Variants in METTL8 observed in about 807,000 individuals in gnomAD.
METTL8 encodes tRNA N(3)-cytidine methyltransferase METTL8, mitochondrial.
Under a neutral mutation model 48.7 loss-of-function variants are expected in METTL8, and 32 were observed. The ratio of observed to expected loss-of-function variants is 0.66; its 90% CI spans 0.50 to 0.88. METTL8 has a LOEUF of 0.88. Ranked by LOEUF, METTL8 falls within the 40% of genes least tolerant of loss-of-function variation. The pLI, the probability that METTL8 is intolerant of heterozygous loss-of-function variation, is 0.00. For synonymous variants in METTL8, 136 were observed against 157.1 expected (o/e 0.87, Z 1.01); for missense variants, 464 against 474.4 (o/e 0.98, Z 0.20).
At chr2:171,331,913 T>G in intron 5 of METTL8, 46 bp from the exon 6 acceptor site, 1 of 1,407,630 alleles carries the variant, frequency 7.1e-7, no homozygotes, top group Non-Finnish European at 9.8e-7. Context: ...GGAGACAGGG[T>G]CTTGCGCTGT....
At chr2:171,405,213 T>C (rs935226012) in intron 1 of METTL8, among the ~76,000 whole-genome samples, 1 of 152,098 alleles carries the variant, frequency 6.6e-6, no homozygotes, top group Non-Finnish European at 1.5e-5. Context: ...AATGAATTCA[T>C]GTGAGTGGTA....
chr2:171,361,834 T>C (rs1221432456), intron 2 of METTL8, among the ~76,000 whole-genome samples: 1 of 152,132 alleles, frequency 6.6e-6, no homozygotes, highest in African/African-American at 2.4e-5. Context: ...GGGTTTATAT[T>C]CTCCTAGTGC....
intron 4 of METTL8, among the ~76,000 whole-genome samples, chr2:171,338,476 A>G (rs1432597337): frequency 1.3e-5 from 2 of 151,940 alleles, no homozygotes; most frequent in East Asian, 3.9e-4. Flanking sequence ...TGTCTCTACT[A>G]AAAATACAAA....
intron 2 of METTL8, among the ~76,000 whole-genome samples, chr2:171,376,095 G>C (rs1686933407): frequency 6.6e-6 from 1 of 152,106 alleles, no homozygotes. Context: ...ATTTTACTTT[G>C]TAGTTCTTAA....
At chr2:171,324,616 T>A (rs1246565553) in intron 9 of METTL8, among the ~76,000 whole-genome samples, 1 of 152,262 alleles carries the variant, frequency 6.6e-6, no homozygotes, top group African/African-American at 2.4e-5. Context: ...AAACTATTGG[T>A]TGCAGCTTTC....
chr2:171,404,607 C>A (rs1449544488), intron 1 of METTL8, among the ~76,000 whole-genome samples: 1 of 152,038 alleles, frequency 6.6e-6, no homozygotes, highest in Non-Finnish European at 1.5e-5. Flanking sequence ...CTATGGTTGA[C>A]AGTGGGTAAA....
chr2:171,362,162 T>C (rs1685229274), intron 2 of METTL8, among the ~76,000 whole-genome samples: 1 of 152,118 alleles, frequency 6.6e-6, no homozygotes, highest in Non-Finnish European at 1.5e-5. Context: ...AGTTAAGTAG[T>C]ATGCAAGACA....
chr2:171,402,843 G>A (rs771159311), intron 1 of METTL8, among the ~76,000 whole-genome samples: 1 of 151,898 alleles, frequency 6.6e-6, no homozygotes. Context: ...ACATACACCC[G>A]AAAAACCAAA....
chr2:171,343,439 C>CAATAAATAAATAAATAAATAAATA (rs574312068), intron 3 of METTL8, among the ~76,000 whole-genome samples: 4 of 148,762 alleles, frequency 2.7e-5, no homozygotes, highest in Admixed American at 1.3e-4. Flanking sequence ...AACTCCATCT[C>CAATAAATAAATAAATAAATAAATA]AATAAATAAA....
At chr2:171,328,413 A>AT (rs1304763351) in intron 7 of METTL8, among the ~76,000 whole-genome samples, 5 of 152,122 alleles carry the variant, frequency 3.3e-5, no homozygotes. Context: ...TTATGCCTGA[A>AT]TTTTCCAAGC....
chr2:171,424,500 C>G (rs1692200723), intron 1 of METTL8, among the ~76,000 whole-genome samples: 1 of 152,222 alleles, frequency 6.6e-6, no homozygotes, highest in Admixed American at 6.5e-5. Flanking sequence ...TAGGAGCCCA[C>G]CTCTTGTATC....
chr2:171,325,392 T>C (rs566732213), intron 9 of METTL8, among the ~76,000 whole-genome samples: 20 of 152,292 alleles, frequency 1.3e-4, no homozygotes, highest in African/African-American at 4.6e-4. Flanking sequence ...TCTCATTTTG[T>C]TTTCTAGGCT....
chr2:171,359,207 T>C (rs1684905647), intron 3 of METTL8, among the ~76,000 whole-genome samples: 1 of 146,070 alleles, frequency 6.8e-6, no homozygotes, highest in Non-Finnish European at 1.5e-5. Flanking sequence ...AAGATCTGAA[T>C]AGATATTTCT....
intron 1 of METTL8, among the ~76,000 whole-genome samples, chr2:171,397,365 A>AAAC (rs1002977007): frequency 2.0e-5 from 3 of 146,518 alleles, no homozygotes; most frequent in Non-Finnish European, 3.0e-5. Flanking sequence ...AAAAAAAAAA[A>AAAC]AAAAAAAAAA....
intron 3 of METTL8, among the ~76,000 whole-genome samples, 166 bp from the exon 4 acceptor site, chr2:171,339,720 A>G (rs1347538841): frequency 6.6e-6 from 1 of 152,202 alleles, no homozygotes. Flanking sequence ...TAAAAGGTTG[A>G]AACTACAGAG....
At chr2:171,364,224 C>A (rs1559115556) in intron 2 of METTL8, among the ~76,000 whole-genome samples, 1 of 152,118 alleles carries the variant, frequency 6.6e-6, no homozygotes, top group South Asian at 2.1e-4. Flanking sequence ...TAAGAACAAA[C>A]TATCTTAAAT....
At chr2:171,333,717 A>C (rs1685784508) in intron 5 of METTL8, among the ~76,000 whole-genome samples, 1 of 152,232 alleles carries the variant, frequency 6.6e-6, no homozygotes. Flanking sequence ...TGTTCTCAGT[A>C]AACACTCAGC....
intron 3 of METTL8, among the ~76,000 whole-genome samples, chr2:171,342,512 T>C (rs1019319714): frequency 6.6e-6 from 1 of 152,198 alleles, no homozygotes; most frequent in Non-Finnish European, 1.5e-5. Context: ...TGATATACTA[T>C]GTAAGAAAAC....
chr2:171,343,627 T>C (rs1427100237), intron 3 of METTL8, among the ~76,000 whole-genome samples: 2 of 152,174 alleles, frequency 1.3e-5, no homozygotes, highest in Admixed American at 1.3e-4. Context: ...CTCTTTCTTT[T>C]GCAAAGCTGT....
Sources: allele counts gnomAD v4.1 joint callset (sites outside exome capture counted in the v4.1 genomes callset), GRCh38; gene constraint gnomAD v4.1.1; transcripts MANE v1.5; gene names NCBI Gene and HGNC (gene_info 2026-07-23, HGNC 2026-07-21).